SYTL5: variants seen among roughly 807,000 people sequenced by gnomAD.
SYTL5 encodes the protein synaptotagmin like 5, also known as synaptotagmin-like protein 5.
SYTL5 carries 34 observed loss-of-function variants against 55.9 expected under a neutral mutation model. The observed-to-expected ratio is 0.61, with a 90% CI of 0.46 to 0.81. The LOEUF is 0.81. SYTL5 is among the 30% of genes least tolerant of loss of function. The pLI is 0.00. For synonymous variants in SYTL5, 221 were observed against 188.7 expected, an observed-to-expected ratio of 1.17 and a Z score of -1.40; for missense variants, 637 against 546.7, an observed-to-expected ratio of 1.17 and a Z score of -1.65.
intron 10 of SYTL5, chrX:38,103,180 C>G (rs955515729): frequency 3.1e-6 from 2 of 653,859 alleles, no homozygotes; most frequent in Non-Finnish European, 4.6e-6. Context: ...ATTTGTCCCA[C>G]ATTTATCTTT....
At chrX:38,070,278 T>A (rs940836776) in intron 3 of SYTL5, among the ~76,000 whole-genome samples, 2 of 111,527 alleles carry the variant, frequency 1.8e-5, no homozygotes, top group Non-Finnish European at 3.8e-5. Context: ...GATTTTCAAG[T>A]CCAATAAGTT....
At chrX:37,917,426 A>G in the SYTL5 span, among the ~76,000 whole-genome samples, 1 of 111,650 alleles carries the variant, frequency 9.0e-6, no homozygotes, top group Non-Finnish European at 1.9e-5. Context: ...AACAGCTCCA[A>G]TCTTATTTTT....
At chrX:38,055,144 A>G (rs1017726900) in intron 3 of SYTL5, among the ~76,000 whole-genome samples, 5 of 111,920 alleles carry the variant, frequency 4.5e-5, no homozygotes, top group African/African-American at 1.6e-4. Context: ...GTGACTGGCA[A>G]TATGGTTCTC....
the SYTL5 span, among the ~76,000 whole-genome samples, chrX:37,961,681 A>G: frequency 4.5e-4 from 51 of 112,145 alleles, no homozygotes; most frequent in African/African-American, 1.6e-3. Flanking sequence ...TAAATGCCTA[A>G]AAGACATTTT....
intron 6 of SYTL5, among the ~76,000 whole-genome samples, chrX:38,084,584 G>T (rs919291355): frequency 9.0e-6 from 1 of 110,826 alleles, no homozygotes; most frequent in Non-Finnish European, 1.9e-5. Flanking sequence ...CTGCTGCTTG[G>T]TGTGTGGGGA....
chrX:38,077,771 A>G (rs1936427604), intron 6 of SYTL5, among the ~76,000 whole-genome samples: 1 of 112,322 alleles, frequency 8.9e-6, no homozygotes, highest in Non-Finnish European at 1.9e-5. Context: ...ATTCCCTTTT[A>G]TGATTACAAA....
the SYTL5 span, among the ~76,000 whole-genome samples, chrX:37,961,111 A>G: frequency 9.0e-6 from 1 of 110,833 alleles, no homozygotes; most frequent in African/African-American, 3.3e-5. Flanking sequence ...GCCTCTACCC[A>G]TCACCCAATT....
the SYTL5 span, among the ~76,000 whole-genome samples, chrX:37,992,935 C>T: frequency 3.6e-5 from 4 of 111,472 alleles, no homozygotes; most frequent in Non-Finnish European, 7.5e-5. Context: ...GAGCTTATAG[C>T]TTCAGTTCTA....
At chrX:38,057,085 G>C (rs974405013) in intron 3 of SYTL5, among the ~76,000 whole-genome samples, 1 of 111,588 alleles carries the variant, frequency 9.0e-6, no homozygotes, top group Non-Finnish European at 1.9e-5. Flanking sequence ...ATTTTTCTGC[G>C]AAGTTTTCTT....
intron 3 of SYTL5, among the ~76,000 whole-genome samples, chrX:38,068,496 A>C (rs1936164329): frequency 8.9e-6 from 1 of 112,502 alleles, no homozygotes; most frequent in Non-Finnish European, 1.9e-5. Flanking sequence ...CAGCTACACT[A>C]TTCACAAAAG....
chrX:38,079,085 G>A (rs1936463451), intron 6 of SYTL5, among the ~76,000 whole-genome samples: 1 of 111,841 alleles, frequency 8.9e-6, no homozygotes, highest in Non-Finnish European at 1.9e-5. Flanking sequence ...TTCAAAATGA[G>A]TCCTTAGAAA....
rs1266578438 is a variant in SYTL5 at position 38,023,192 on chromosome X, A to C, written c.-356-10342A>C. ...GTCACCTAATTCACAGCATGTCTGA[A>C]ACCCAAATCCATTATTTCCCACAAA... On this transcript the variant is annotated intron_variant, in intron 1 of 16. Transcript: ENST00000297875. Among the ~76,000 whole-genome samples the C allele has an allele frequency of 3.6e-5, 4 of 111,971 alleles. No individual in the cohort carries two copies. The East Asian group carries it at 1.1e-3, about 31-fold the overall frequency.
At chrX:38,050,241 A>G (rs1935585531) in intron 2 of SYTL5, among the ~76,000 whole-genome samples, 1 of 112,586 alleles carries the variant, frequency 8.9e-6, no homozygotes, top group South Asian at 3.7e-4. Flanking sequence ...TCCAGACAAG[A>G]TAACACAAGA....
rs1273566940 is a variant in SYTL5, at chrX:38,033,996, A to G, written c.107A>G (p.Asp36Gly). 2 of 1,145,604 alleles carry G rather than the reference A, an allele frequency of 1.7e-6. No individual in the cohort carries two copies. Among genetic ancestry groups the G allele is most frequent in the Admixed American group, 4.4e-5 (2 of 44,991 alleles). The allele number at this position is 1,145,604 out of a possible 1,213,427, so 94.4% of individuals were successfully genotyped here. Residue 36 changes from aspartate (D) to glycine (G), a missense_variant, in exon 2 of 17, where the codon GAC becomes GGC. By Grantham distance (94) the Asp-to-Gly change is moderately conservative. Transcript: ENST00000297875. The part of the protein sequence containing the change: ...KRDEYLKKVE[D>G]KRIRKLKNEL... ...GATGAATATTTGAAAAAAGTGGAGG[A>G]CAAGAGAATAAGGTAGTATTCTTTT...
At chrX:38,013,156 A>T (rs1184526637) in intron 1 of SYTL5, among the ~76,000 whole-genome samples, 1 of 112,396 alleles carries the variant, frequency 8.9e-6, no homozygotes. Context: ...ATTTTTGTTG[A>T]CTGTTACAGA....
At chrX:38,057,680 C>T (rs184880753) in intron 3 of SYTL5, among the ~76,000 whole-genome samples, 3 of 111,721 alleles carry the variant, frequency 2.7e-5, no homozygotes, top group Admixed American at 9.5e-5. Flanking sequence ...AGCAATTATT[C>T]TCAATTCTTT....
chrX:38,008,528 G>T (rs1466222749), intron 1 of SYTL5, among the ~76,000 whole-genome samples: 2 of 111,527 alleles, frequency 1.8e-5, no homozygotes, highest in Admixed American at 9.5e-5. Context: ...GTTACCTTAG[G>T]TTCTGAAAGA....
At chrX:38,118,725 T>C (rs1212227391) in intron 13 of SYTL5, among the ~76,000 whole-genome samples, 2 of 110,933 alleles carry the variant, frequency 1.8e-5, no homozygotes, top group Non-Finnish European at 3.8e-5. Context: ...TGGTAACCTA[T>C]AGCAAAGATG....
chrX:38,057,766 A>C (rs988491422), intron 3 of SYTL5, among the ~76,000 whole-genome samples: 2 of 111,642 alleles, frequency 1.8e-5, no homozygotes, highest in African/African-American at 6.5e-5. Context: ...GAGGATGAAC[A>C]GTGATGAAAT....
Sources: gnomAD v4.1 joint callset for allele counts (sites outside exome capture counted in the v4.1 genomes callset) on GRCh38, gnomAD v4.1.1 for gene constraint, MANE v1.5 for transcripts, NCBI Gene and HGNC (gene_info 2026-07-23, HGNC 2026-07-21) for gene names.